Variants in EPB41L4A observed in about 807,000 individuals in gnomAD.
EPB41L4A encodes the protein band 4.1-like protein 4A.
Under a neutral mutation model 108.6 loss-of-function variants are expected in EPB41L4A, and 100 were observed. The observed-to-expected ratio is 0.92, with a 90% CI of 0.78 to 1.09. EPB41L4A has a LOEUF of 1.09. EPB41L4A is among the 50% of genes least tolerant of loss of function. The probability of loss-of-function intolerance (pLI) is 0.00; values close to 1 mark genes in which losing one functional copy is unlikely to be tolerated. For missense variants in EPB41L4A, 1,030 were observed against 842.7 expected, an observed-to-expected ratio of 1.22 and a Z score of -2.75; for synonymous variants, 319 against 289.0, an observed-to-expected ratio of 1.10 and a Z score of -1.05.
rs530022134 is a variant in EPB41L4A, at chr5:112,261,674, G to GA, written c.642+819dup. On this transcript the variant is annotated intron_variant, in intron 7 of 22. Coordinates refer to ENST00000261486, the MANE Select transcript of EPB41L4A (RefSeq NM_022140.5). ...ATTCAGCAAGTTTTCATAAACCACT[G>GA]AAAAAAATCTGCAAAAATATTTCTA... Among the ~76,000 whole-genome samples, 14 of 152,162 alleles carry GA rather than the reference G, an allele frequency of 9.2e-5. No individual in the cohort carries two copies. The East Asian group carries it at 2.5e-3, about 27-fold the overall frequency.
At chr5:112,229,206 TTG>T (rs1358277836) in intron 12 of EPB41L4A, among the ~76,000 whole-genome samples, 5 of 152,328 alleles carry the variant, frequency 3.3e-5, no homozygotes, top group Non-Finnish European at 5.9e-5. Flanking sequence ...TACAAATGTT[TTG>T]TGTTTTTTTT....
intron 12 of EPB41L4A, among the ~76,000 whole-genome samples, chr5:112,234,121 C>A (rs1749153025): frequency 6.7e-6 from 1 of 150,234 alleles, no homozygotes; most frequent in South Asian, 2.1e-4. Context: ...GAGTTTGAGA[C>A]CAGCCTGGGC....
chr5:112,409,902 G>C (rs1290983993), intron 1 of EPB41L4A, among the ~76,000 whole-genome samples: 1 of 152,176 alleles, frequency 6.6e-6, no homozygotes, highest in East Asian at 1.9e-4. Flanking sequence ...ACAGGAGGGA[G>C]ACTCGAAGCC....
At chr5:112,275,129 C>A in intron 4 of EPB41L4A, 197 bp downstream of exon 4, 1 of 554,630 alleles carries the variant, frequency 1.8e-6, no homozygotes, top group Non-Finnish European at 2.9e-6. Flanking sequence ...AGGTTCACGC[C>A]ATTTTCAAAC....
intron 1 of EPB41L4A, among the ~76,000 whole-genome samples, chr5:112,393,734 AT>A (rs1307173987): frequency 6.6e-6 from 1 of 152,214 alleles, no homozygotes; most frequent in African/African-American, 2.4e-5. Flanking sequence ...TCCCTAACTC[AT>A]TTTATGAGGC....
chr5:112,348,951 G>A (rs1459089816), intron 1 of EPB41L4A, among the ~76,000 whole-genome samples: 1 of 152,150 alleles, frequency 6.6e-6, no homozygotes, highest in East Asian at 1.9e-4. Flanking sequence ...AGGGCTCTGG[G>A]GAGACAATGT....
In EPB41L4A at chr5:112,393,441, C is replaced by T. The variant is rs1355378868; in HGVS notation, c.99+25500G>A. Among the ~76,000 whole-genome samples, 3 of 152,176 alleles carry T rather than the reference C, an allele frequency of 2.0e-5. No homozygotes were observed. In the South Asian group the frequency reaches 6.2e-4, roughly 32 times the overall value. On this transcript the variant is annotated intron_variant, in intron 1 of 22. Coordinates refer to ENST00000261486, the MANE Select transcript of EPB41L4A (RefSeq NM_022140.5). ...CCGATCCCATAGAAATACAAACTAC[C>T]ATCAAAGAATACTATAGACACCTCT...
intron 1 of EPB41L4A, among the ~76,000 whole-genome samples, chr5:112,371,418 AG>A (rs1365672421): frequency 6.6e-6 from 1 of 152,224 alleles, no homozygotes. Flanking sequence ...AACATCTGGT[AG>A]CACCAAAAAT....
intron 15 of EPB41L4A, among the ~76,000 whole-genome samples, chr5:112,196,058 C>T (rs1761953025): frequency 6.6e-6 from 1 of 152,114 alleles, no homozygotes; most frequent in Admixed American, 6.5e-5. Context: ...TACCCTGAGG[C>T]TCCAAATTCT....
chr5:112,329,730 C>T (rs1161342674), intron 1 of EPB41L4A, among the ~76,000 whole-genome samples: 1 of 152,086 alleles, frequency 6.6e-6, no homozygotes, highest in Non-Finnish European at 1.5e-5. Context: ...ATGTCACTCT[C>T]TACAGGAAAA....
chr5:112,190,056 G>A (rs756690136), intron 17 of EPB41L4A, among the ~76,000 whole-genome samples: 1 of 152,096 alleles, frequency 6.6e-6, no homozygotes, highest in Non-Finnish European at 1.5e-5. Context: ...TCTCAGGGAC[G>A]AGATTCAAAA....
chr5:112,363,080 G>T (rs1045733170), intron 1 of EPB41L4A, among the ~76,000 whole-genome samples: 14 of 152,046 alleles, frequency 9.2e-5, no homozygotes, highest in Admixed American at 9.2e-4. Flanking sequence ...CACTTTCAAG[G>T]CTTGAAAATG....
intron 1 of EPB41L4A, among the ~76,000 whole-genome samples, chr5:112,398,834 T>G (rs574515891): frequency 1.3e-5 from 2 of 151,460 alleles, no homozygotes; most frequent in Non-Finnish European, 2.9e-5. Context: ...CTGAGTGAAA[T>G]GTATATGGGC....
At chr5:112,203,813 G>A (rs1364243641) in intron 15 of EPB41L4A, among the ~76,000 whole-genome samples, 6 of 151,924 alleles carry the variant, frequency 3.9e-5, no homozygotes, top group South Asian at 2.1e-4. Context: ...AGGCCGAGGC[G>A]GGTGGATCAC....
At chr5:112,360,188 C>T (rs1354995951) in intron 1 of EPB41L4A, among the ~76,000 whole-genome samples, 1 of 152,078 alleles carries the variant, frequency 6.6e-6, no homozygotes, top group Non-Finnish European at 1.5e-5. Flanking sequence ...TTTGGGAGGC[C>T]GAGGCAGGAG....
intron 12 of EPB41L4A, among the ~76,000 whole-genome samples, chr5:112,150,162 C>G (rs1759411885): frequency 6.6e-6 from 1 of 152,020 alleles, no homozygotes; most frequent in Admixed American, 6.5e-5. Context: ...AGTCTGAGTG[C>G]TCCCAAGTCA....
intron 22 of EPB41L4A, among the ~76,000 whole-genome samples, chr5:112,165,558 A>G (rs1760192159): frequency 6.6e-6 from 1 of 152,228 alleles, no homozygotes; most frequent in African/African-American, 2.4e-5. Flanking sequence ...ACGGAGAAAC[A>G]GGGCAGCTCA....
At chr5:112,375,323 GCACACACACACATA>G (rs1382248544) in intron 1 of EPB41L4A, among the ~76,000 whole-genome samples, 1 of 142,456 alleles carries the variant, frequency 7.0e-6, no homozygotes, top group African/African-American at 2.6e-5. Context: ...TCTCTCTCTC[GCACACACACACATA>G]CACACACACA....
chr5:112,208,887 G>C (rs934910181), intron 13 of EPB41L4A, among the ~76,000 whole-genome samples: 4 of 152,174 alleles, frequency 2.6e-5, no homozygotes, highest in African/African-American at 9.6e-5. Context: ...TCCACAGCTT[G>C]AGGGTGACTA....
Sources: allele counts gnomAD v4.1 joint callset (sites outside exome capture counted in the v4.1 genomes callset), GRCh38; gene constraint gnomAD v4.1.1; transcripts MANE v1.5; gene names NCBI Gene and HGNC (gene_info 2026-07-23, HGNC 2026-07-21).